The following SEMA3A variants were observed in gnomAD, a reference collection of about 807,000 sequenced individuals.
SEMA3A encodes semaphorin 3A, also known as semaphorin-3A.
A neutral mutation model predicts 97.9 loss-of-function variants in SEMA3A; 29 were observed. The observed-to-expected ratio is 0.30, with a 90% confidence interval of 0.22 to 0.40. SEMA3A has a LOEUF of 0.40. Ranked by LOEUF, SEMA3A falls within the 10% of genes least tolerant of loss-of-function variation. The probability of loss-of-function intolerance (pLI) is 1.00; values close to 1 mark genes in which losing one functional copy is unlikely to be tolerated. For missense variants in SEMA3A, 763 were observed against 951.3 expected (o/e 0.80, Z 2.60); for synonymous variants, 321 against 323.7 (o/e 0.99, Z 0.09).
rs73376835 is a variant in SEMA3A, at chr7:84,019,225, T to A, written c.668-4874A>T. On this transcript the variant is annotated intron_variant, in intron 6 of 16. Coordinates refer to ENST00000265362, the MANE Select transcript of SEMA3A (RefSeq NM_006080.3). ...AGAGAGCATGTGAGCAAGGGAACATTTGAGCGATGGAAGGAAGACAAGCTC... is the reference window on the plus strand; with the variant it reads ...AGAGAGCATGTGAGCAAGGGAACATATGAGCGATGGAAGGAAGACAAGCTC... Among the ~76,000 whole-genome samples the A allele has an allele frequency of 1.2e-3, 187 of 152,226 alleles. 2 individuals are homozygous for A. The highest frequency in any genetic ancestry group is 4.4e-3 in the African/African-American group (183 of 41,546).
At chr7:84,379,667 A>G (rs1803204040) in intron 1 of SEMA3A, among the ~76,000 whole-genome samples, 1 of 152,182 alleles carries the variant, frequency 6.6e-6, no homozygotes, top group African/African-American at 2.4e-5. Context: ...CTAGAATGAA[A>G]TGACAAGACT....
At chr7:84,029,681 T>C (rs1791667154) in intron 6 of SEMA3A, among the ~76,000 whole-genome samples, 2 of 152,142 alleles carry the variant, frequency 1.3e-5, no homozygotes, top group South Asian at 4.1e-4. Context: ...ATAAACCTAG[T>C]GTGTGATTAG....
At chr7:84,043,202 A>T (rs1295593525) in intron 6 of SEMA3A, among the ~76,000 whole-genome samples, 1 of 152,076 alleles carries the variant, frequency 6.6e-6, no homozygotes, top group African/African-American at 2.4e-5. Flanking sequence ...AATACACAAC[A>T]GACTCCATTG....
At chr7:84,382,825 C>T (rs111593022) in intron 1 of SEMA3A, among the ~76,000 whole-genome samples, 2,567 of 151,818 alleles carry the variant, frequency 0.017, 82 homozygotes, top group African/African-American at 0.058. Flanking sequence ...TTGTAGTGAG[C>T]CGAGATCATG....
intron 1 of SEMA3A, among the ~76,000 whole-genome samples, chr7:84,383,285 G>C (rs1487795929): frequency 1.3e-5 from 2 of 151,998 alleles, no homozygotes; most frequent in African/African-American, 2.4e-5. Context: ...ATTTGGATAA[G>C]TATAATGGAA....
intron 1 of SEMA3A, among the ~76,000 whole-genome samples, chr7:84,188,804 T>C (rs1046492574): frequency 5.3e-5 from 8 of 151,972 alleles, no homozygotes; most frequent in Non-Finnish European, 1.2e-4. Flanking sequence ...TAGAAATATT[T>C]AGTTTTTCAG....
At chr7:84,316,063 A>C (rs7790697) in intron 2 of SEMA3A, among the ~76,000 whole-genome samples, 65,381 of 144,894 alleles carry the variant, frequency 0.45, 15,611 homozygotes, top group East Asian at 0.62. Flanking sequence ...AAGTTGAGGC[A>C]GGAGGATTTC....
intron 4 of SEMA3A, among the ~76,000 whole-genome samples, chr7:84,106,976 T>G (rs1344086944): frequency 6.6e-6 from 1 of 152,196 alleles, no homozygotes; most frequent in Admixed American, 6.5e-5. Flanking sequence ...TTATTTCACA[T>G]TGCATGGGGC....
chr7:84,229,594 C>T (rs1159815291), intron 3 of SEMA3A, among the ~76,000 whole-genome samples: 2 of 152,024 alleles, frequency 1.3e-5, no homozygotes, highest in African/African-American at 4.8e-5. Flanking sequence ...TTTTCAGTGT[C>T]TTCAAGTCTT....
Position 84,005,662 on chromosome 7 carries a change from T to A in SEMA3A, c.1141-104A>T. 3 of 790,938 alleles carry A rather than the reference T, an allele frequency of 3.8e-6. No individual in the cohort carries two copies. The South Asian group carries it at 5.7e-5, about 15-fold the overall frequency. 49.0% of individuals were successfully genotyped at this position (790,938 alleles called of 1,614,324 possible). A position where few individuals can be genotyped will look rare whatever the true frequency, so the allele number is the denominator to read the frequency against. On this transcript the variant is annotated intron_variant, in intron 10 of 16. Coordinates refer to ENST00000265362, the MANE Select transcript of SEMA3A (RefSeq NM_006080.3). ...TCAATGGTTCTACTTAAAATAGTAGTGCAGGCCAGGTATGGTAGCTCACAC... is the reference window on the plus strand; with the variant it reads ...TCAATGGTTCTACTTAAAATAGTAGAGCAGGCCAGGTATGGTAGCTCACAC...
Position 84,111,247 on chromosome 7 carries a change from G to A in SEMA3A, c.334-658C>T, listed in dbSNP as rs1795269352. Among the ~76,000 whole-genome samples the A allele has an allele frequency of 2.0e-5, 3 of 152,094 alleles. No homozygotes were observed. The South Asian group carries it at 6.2e-4, about 32-fold the overall frequency. On this transcript the variant is annotated intron_variant, in intron 3 of 16. Coordinates refer to ENST00000265362, the MANE Select transcript of SEMA3A (RefSeq NM_006080.3). ...CTATAGATGCAGTTAAGGATCAAGC[G>A]TGGACAACAGTACAAGCAAGGTGGG... is the stretch of plus-strand genomic sequence containing the variant.
intron 1 of SEMA3A, among the ~76,000 whole-genome samples, chr7:84,388,164 C>CTGGAAAAGT (rs1447320350): frequency 6.6e-6 from 1 of 152,076 alleles, no homozygotes; most frequent in Admixed American, 6.6e-5. Context: ...TTCAATGCCT[C>CTGGAAAAGT]TGGAAAAGTT....
chr7:84,391,796 C>T (rs1471663508), intron 1 of SEMA3A, among the ~76,000 whole-genome samples: 1 of 151,908 alleles, frequency 6.6e-6, no homozygotes, highest in South Asian at 2.1e-4. Context: ...CATGGCAAAA[C>T]TGCCTTCTCT....
chr7:84,185,118 CT>C (rs1797839172), intron 1 of SEMA3A, among the ~76,000 whole-genome samples: 1 of 152,124 alleles, frequency 6.6e-6, no homozygotes, highest in African/African-American at 2.4e-5. Context: ...CGGTATATGA[CT>C]TTTCTTGTAC....
intron 3 of SEMA3A, among the ~76,000 whole-genome samples, chr7:84,236,916 T>C (rs1158200159): frequency 2.6e-5 from 4 of 152,016 alleles, no homozygotes; most frequent in African/African-American, 7.2e-5. Flanking sequence ...AAAGGATAGA[T>C]TGTGTTAATT....
rs773851451 is a variant in SEMA3A at position 83,963,262 on chromosome 7, C to A, written c.1803G>T (p.Ser601=). 6.2e-7 allele frequency: 1 copy of A among 1,613,514 alleles called. No homozygotes were observed. The highest frequency in any genetic ancestry group is 8.5e-7 in the Non-Finnish European group (1 of 1,179,990). ...ATTGCCAATAGACCAGCGCTCTCTG[C>A]GACTTCGGACTGCATTCCAAAAATG... ...SSTFLECSPK[S]QRALVYWQFQ... is the part of the protein sequence containing the mutation. Residue 601 remains serine (S), a synonymous_variant, in exon 16 of 17, where the codon TCG becomes TCT. Coordinates refer to ENST00000265362, the MANE Select transcript of SEMA3A (RefSeq NM_006080.3).
intron 1 of SEMA3A, among the ~76,000 whole-genome samples, chr7:84,407,392 G>C (rs541793890): frequency 6.6e-6 from 1 of 152,240 alleles, no homozygotes; most frequent in African/African-American, 2.4e-5. Flanking sequence ...TGAAATAAAA[G>C]AGGATACAAA....
rs537261358 is a variant in SEMA3A, at chr7:84,330,108, G to A, written c.-168-22816C>T. 1.6e-4 allele frequency among the ~76,000 whole-genome samples: 25 copies of A among 151,884 alleles called. 1 individual carries two copies. The highest frequency in any genetic ancestry group is 3.4e-4 in the Non-Finnish European group (23 of 67,946). On this transcript the variant is annotated intron_variant, in intron 2 of 3. Transcript: ENST00000424555. Reference sequence around the variant, plus strand: ...AACCAATAACATAAGTAAAATAAAAGCAAGGCCAGTTATGTGCAATTTATT... The same window carrying A: ...AACCAATAACATAAGTAAAATAAAAACAAGGCCAGTTATGTGCAATTTATT...
At chr7:84,335,329 A>G (rs952993274) in intron 2 of SEMA3A, among the ~76,000 whole-genome samples, 19 of 152,258 alleles carry the variant, frequency 1.2e-4, no homozygotes, top group African/African-American at 4.6e-4. Flanking sequence ...TTTATTCTTC[A>G]GATATTTTGT....
Sources: gnomAD v4.1 joint callset for allele counts (sites outside exome capture counted in the v4.1 genomes callset) on GRCh38, gnomAD v4.1.1 for gene constraint, MANE v1.5 for transcripts, NCBI Gene and HGNC (gene_info 2026-07-23, HGNC 2026-07-21) for gene names.